The following ANO2 variants were observed in gnomAD, a reference collection of about 807,000 sequenced individuals.
The protein encoded by ANO2 is anoctamin-2.
Under a neutral mutation model 124.2 loss-of-function variants are expected in ANO2, and 101 were observed. The ratio of observed to expected loss-of-function variants is 0.81; its 90% CI spans 0.69 to 0.96. The LOEUF (loss-of-function observed/expected upper bound fraction) is 0.96. ANO2 is among the 40% of genes least tolerant of loss of function. ANO2 has a pLI of 0.00. For synonymous variants in ANO2, 486 were observed against 482.5 expected (o/e 1.01, Z -0.09); for missense variants, 1,293 against 1,274.5 (o/e 1.01, Z -0.22).
Position 5,886,758 on chromosome 12 carries a change from CT to C in ANO2, c.535-32618del, listed in dbSNP as rs557038535. Among the ~76,000 whole-genome samples, 21 of 151,848 alleles carry C rather than the reference CT, an allele frequency of 1.4e-4. No homozygotes were observed. In the South Asian group the frequency reaches 1.5e-3, roughly 11 times the overall value. Reference sequence around the variant, plus strand: ...GCATATTAATTACACCTTAATATAGCTTTTTTTTAAGGAAATTCTGATATAT... The same window carrying C: ...GCATATTAATTACACCTTAATATAGCTTTTTTTAAGGAAATTCTGATATAT... On this transcript the variant is annotated intron_variant, in intron 3 of 24. Transcript: ENST00000682330.
intron 16 of ANO2, among the ~76,000 whole-genome samples, chr12:5,628,841 C>T (rs1002377287): frequency 6.6e-5 from 10 of 152,342 alleles, no homozygotes; most frequent in Middle Eastern, 3.4e-3. Context: ...CCTCTTCAGC[C>T]TTCTCATAAG....
chr12:5,877,735 G>C (rs997099818), intron 3 of ANO2, among the ~76,000 whole-genome samples: 33 of 152,214 alleles, frequency 2.2e-4, no homozygotes, highest in African/African-American at 8.0e-4. Flanking sequence ...GACCTGGGGT[G>C]GGGGGATCAG....
rs1955303411 is a variant in ANO2, at chr12:5,862,561, A to G, written c.535-8420T>C. On this transcript the variant is annotated intron_variant, in intron 3 of 24. Transcript: ENST00000682330. The surrounding 1 kb of genome is among the most constrained non-coding windows in gnomAD (Gnocchi z 4.0). ...ACTCCTCAAAGCCCAAGTGAAGAGG[A>G]AGCAGTGAGGGGAGCCCAGGGAGAC... Among the ~76,000 whole-genome samples, 1 of 152,168 alleles carries G rather than the reference A, an allele frequency of 6.6e-6. No individual in the cohort carries two copies. Among genetic ancestry groups the G allele is most frequent in the Non-Finnish European group, 1.5e-5 (1 of 68,032 alleles).
intron 3 of ANO2, among the ~76,000 whole-genome samples, chr12:5,855,017 A>G (rs894918535): frequency 6.6e-6 from 1 of 152,176 alleles, no homozygotes. Flanking sequence ...TCACTAAAGA[A>G]CTAAAGAGGA....
chr12:5,816,284 C>T (rs1442948802), intron 7 of ANO2, among the ~76,000 whole-genome samples: 1 of 151,494 alleles, frequency 6.6e-6, no homozygotes, highest in Admixed American at 6.6e-5. Flanking sequence ...GCTCAGGCCT[C>T]CATATTATCT....
intron 11 of ANO2, among the ~76,000 whole-genome samples, chr12:5,745,811 C>T (rs1486093721): frequency 6.6e-6 from 1 of 152,160 alleles, no homozygotes; most frequent in Admixed American, 6.5e-5. Flanking sequence ...ATTAAATAGT[C>T]ATATCTTAAT....
intron 3 of ANO2, among the ~76,000 whole-genome samples, chr12:5,913,674 T>G (rs542567417): frequency 6.6e-6 from 1 of 152,332 alleles, no homozygotes; most frequent in East Asian, 1.9e-4. Context: ...AGCGTGACCT[T>G]GGCCAAGCCA....
chr12:5,851,824 A>G (rs1178778929), intron 4 of ANO2: 1 of 680,690 alleles, frequency 1.5e-6, no homozygotes, highest in East Asian at 2.7e-5. Flanking sequence ...GAAAGACGGG[A>G]AGGAAAGCAA....
At chr12:5,574,668 T>C (rs1347089457) in intron 23 of ANO2, among the ~76,000 whole-genome samples, 1 of 152,242 alleles carries the variant, frequency 6.6e-6, no homozygotes, top group Admixed American at 6.5e-5. Flanking sequence ...CCCTGGTTTA[T>C]GCCCAGCACA....
chr12:5,630,967 G>A (rs1404911891), intron 16 of ANO2, among the ~76,000 whole-genome samples: 4 of 152,172 alleles, frequency 2.6e-5, no homozygotes, highest in Admixed American at 2.6e-4. Flanking sequence ...CAACTCTCCA[G>A]CTGTCTTCCC....
chr12:5,919,972 C>T (rs1178066647), intron 3 of ANO2, among the ~76,000 whole-genome samples: 1 of 151,436 alleles, frequency 6.6e-6, no homozygotes, highest in Non-Finnish European at 1.5e-5. Flanking sequence ...GCTGGGATTA[C>T]AGGCGTGAGT....
chr12:5,789,371 T>G (rs2137146587), intron 10 of ANO2, among the ~76,000 whole-genome samples: 1 of 152,366 alleles, frequency 6.6e-6, no homozygotes, highest in South Asian at 2.1e-4. Context: ...CAGACTAAAA[T>G]GCTCAAATGA....
At position 5,563,541 on chromosome 12, in the gene ANO2, C is replaced by T. The variant is rs376930143; in HGVS notation, c.2755G>A (p.Val919Met). ...QNLVMFLSVLVDWMIPDIPTD... is the reference protein window; with the variant it reads ...QNLVMFLSVLMDWMIPDIPTD... ...GGGATGTCTGGAATCATCCAGTCCA[C>T]GAGGACGCTCAGGAACATCACGAGG... The change falls in exon 25 of 25, where the codon GTG (valine) becomes ATG (methionine). Residue 919 changes from valine (V) to methionine (M), a missense_variant. Coordinates refer to ENST00000682330, the MANE Select transcript of ANO2 (RefSeq NM_001364791.2). 76 of 1,613,844 alleles carry T rather than the reference C, an allele frequency of 4.7e-5. 1 individual carries two copies. The highest frequency in any genetic ancestry group is 8.8e-5 in the South Asian group (8 of 91,086).
chr12:5,801,109 T>C (rs974302192), intron 9 of ANO2, among the ~76,000 whole-genome samples: 1 of 152,192 alleles, frequency 6.6e-6, no homozygotes, highest in Non-Finnish European at 1.5e-5. Context: ...TCAGGTCAGA[T>C]GAGCAGTGAC....
At chr12:5,938,432 C>T (rs1481127583) in intron 1 of ANO2, among the ~76,000 whole-genome samples, 1 of 152,204 alleles carries the variant, frequency 6.6e-6, no homozygotes, top group African/African-American at 2.4e-5. Flanking sequence ...GAATGTCTAT[C>T]CCAGGACCAG....
chr12:5,652,844 T>C (rs1193907561), intron 14 of ANO2, among the ~76,000 whole-genome samples: 3 of 152,160 alleles, frequency 2.0e-5, no homozygotes, highest in Non-Finnish European at 4.4e-5. Context: ...GTCAGATTTT[T>C]CTATTGCAAA....
At chr12:5,938,161 T>G (rs1242146079) in intron 1 of ANO2, among the ~76,000 whole-genome samples, 1 of 152,182 alleles carries the variant, frequency 6.6e-6, no homozygotes, top group Admixed American at 6.5e-5. Flanking sequence ...ATTCCTCCTC[T>G]CTGTGTTCTT....
At chr12:5,761,040 A>G (rs1325678130) in intron 10 of ANO2, among the ~76,000 whole-genome samples, 1 of 140,982 alleles carries the variant, frequency 7.1e-6, no homozygotes, top group African/African-American at 2.7e-5. Flanking sequence ...GGACGTCCCA[A>G]ATTTTGGACC....
At chr12:5,692,844 T>C (rs1949002188) in intron 14 of ANO2, among the ~76,000 whole-genome samples, 1 of 152,182 alleles carries the variant, frequency 6.6e-6, no homozygotes, top group African/African-American at 2.4e-5. Context: ...AAAGAGAGAC[T>C]GAGAACAAAG....
Sources: gnomAD v4.1 joint callset for allele counts (sites outside exome capture counted in the v4.1 genomes callset) on GRCh38, gnomAD v4.1.1 for gene constraint, Gnocchi (gnomAD v3.1) non-coding constraint, MANE v1.5 for transcripts, NCBI Gene and HGNC (gene_info 2026-07-23, HGNC 2026-07-21) for gene names.